Variants in MAP4 observed in about 807,000 individuals in gnomAD.
MAP4 encodes the protein microtubule-associated protein 4.
MAP4 carries 76 observed loss-of-function variants against 170.2 expected under a neutral mutation model. The observed-to-expected ratio is 0.45, with a 90% CI of 0.37 to 0.54. MAP4 has a LOEUF of 0.54. MAP4 is among the 20% of genes least tolerant of loss of function. The pLI, the probability that MAP4 is intolerant of heterozygous loss-of-function variation, is 0.00. For missense variants in MAP4, 2,506 were observed against 2,748.0 expected (o/e 0.91, Z 1.97); for synonymous variants, 909 against 994.5 (o/e 0.91, Z 1.62).
intron 2 of MAP4, among the ~76,000 whole-genome samples, chr3:47,988,631 G>C (rs936443324): frequency 1.3e-5 from 2 of 152,096 alleles, no homozygotes; most frequent in Admixed American, 1.3e-4. Flanking sequence ...GAGTCCCTCA[G>C]TTTGTGCTCT....
At chr3:47,932,157 T>C (rs953835379) in intron 3 of MAP4, among the ~76,000 whole-genome samples, 1 of 152,240 alleles carries the variant, frequency 6.6e-6, no homozygotes, top group Non-Finnish European at 1.5e-5. Flanking sequence ...AATCTAGATA[T>C]TTCATATAAA....
At chr3:48,088,511 C>T (rs2100150590) in intron 1 of MAP4, among the ~76,000 whole-genome samples, 1 of 151,954 alleles carries the variant, frequency 6.6e-6, no homozygotes, top group African/African-American at 2.4e-5. Flanking sequence ...CCCCGACCCT[C>T]AAAAGCTGGA....
chr3:47,877,213 G>C, intron 11 of MAP4: 1 of 502,536 alleles, frequency 2.0e-6, no homozygotes, highest in South Asian at 2.2e-5. Flanking sequence ...TAAGATAATA[G>C]GGTCAAAGGC....
In MAP4 at chr3:47,853,257, G is replaced by T. The variant is rs1001710694; in HGVS notation, c.6792C>A (p.Pro2264=). 2 of 1,594,188 alleles carry T rather than the reference G, an allele frequency of 1.3e-6. No individual in the cohort carries two copies. The highest frequency in any genetic ancestry group is 8.6e-7 in the Non-Finnish European group (1 of 1,168,974). The part of the protein sequence containing the change: ...ISEAAPEAGA[P]TSASGLNGHP... ...GGCCATTGAGGCCACTGGCTGAAGTGGGGGCGCCAGCTTCAGGCGCTGCCT... is the reference window on the plus strand; with the variant it reads ...GGCCATTGAGGCCACTGGCTGAAGTTGGGGCGCCAGCTTCAGGCGCTGCCT... Residue 2264 remains proline (P), a synonymous_variant, in exon 20 of 21, where the codon CCC becomes CCA. Transcript: ENST00000683076.
Position 47,959,939 on chromosome 3 carries a change from T to C in MAP4, c.292+17926A>G, listed in dbSNP as rs187426724. Among the ~76,000 whole-genome samples the C allele has an allele frequency of 3.9e-5, 6 of 152,156 alleles. No homozygotes were observed. In the East Asian group the frequency reaches 1.2e-3, roughly 30 times the overall value. ...GTGCAGTGGTGCAATCTTGGTTCAA[T>C]GAAACCTCTGCCTCCTGGGTTCAAG... On this transcript the variant is annotated intron_variant, in intron 3 of 20. Coordinates refer to ENST00000683076, the MANE Select transcript of MAP4 (RefSeq NM_001385682.1).
chr3:48,000,740 C>T (rs1351183631), intron 1 of MAP4, among the ~76,000 whole-genome samples: 3 of 152,194 alleles, frequency 2.0e-5, no homozygotes, highest in Non-Finnish European at 4.4e-5. Context: ...AACTAATACA[C>T]AGTCTTTCTC....
At chr3:48,011,241 T>C (rs1451561739) in intron 1 of MAP4, among the ~76,000 whole-genome samples, 1 of 152,100 alleles carries the variant, frequency 6.6e-6, no homozygotes, top group African/African-American at 2.4e-5. Context: ...GTTCCTATAG[T>C]AGGAACTGGA....
rs776361128 is a variant in MAP4 at position 47,998,632 on chromosome 3, A to G, written c.223+6T>C. ...CATATATAAGCAGTCTGGTTTAAAT[A>G]CTTACCTTCAATCTGGCTAGTTTCT... On this transcript the variant is annotated splice_donor_region_variant and intron_variant, in intron 2 of 20. Transcript: ENST00000683076. 1 of 1,610,028 alleles carries G rather than the reference A, an allele frequency of 6.2e-7. No homozygotes were observed. The highest frequency in any genetic ancestry group is 8.5e-7 in the Non-Finnish European group (1 of 1,176,440).
intron 3 of MAP4, among the ~76,000 whole-genome samples, chr3:47,958,625 T>C (rs933172204): frequency 2.0e-5 from 3 of 151,964 alleles, no homozygotes; most frequent in Non-Finnish European, 1.5e-5. Flanking sequence ...CAAGTGATTC[T>C]CTTGCCTCAG....
intron 10 of MAP4, chr3:47,891,868 AT>A (rs1358212909): frequency 6.5e-7 from 1 of 1,535,936 alleles, no homozygotes; most frequent in Non-Finnish European, 8.7e-7. Flanking sequence ...GGGTGATGCT[AT>A]TCTCCATCTC....
At chr3:48,039,712 C>G (rs994698250) in intron 1 of MAP4, among the ~76,000 whole-genome samples, 2 of 152,186 alleles carry the variant, frequency 1.3e-5, no homozygotes, top group African/African-American at 4.8e-5. Flanking sequence ...GATGATAAAA[C>G]AATCCTTATC....
intron 1 of MAP4, among the ~76,000 whole-genome samples, chr3:48,062,637 A>C (rs1441838170): frequency 6.6e-6 from 1 of 151,568 alleles, no homozygotes; most frequent in African/African-American, 2.4e-5. Flanking sequence ...AAAATGAACA[A>C]TGTGGCTGGG....
At chr3:48,007,602 CATAGGTG>C (rs897449377) in intron 1 of MAP4, among the ~76,000 whole-genome samples, 11 of 151,774 alleles carry the variant, frequency 7.2e-5, no homozygotes, top group African/African-American at 1.9e-4. Flanking sequence ...GGCAGGCTCC[CATAGGTG>C]AATCGCAATG....
intron 2 of MAP4, among the ~76,000 whole-genome samples, chr3:47,994,965 AG>A (rs1312019794): frequency 1.3e-5 from 2 of 151,624 alleles, no homozygotes; most frequent in Non-Finnish European, 2.9e-5. Context: ...AAAAAAAAAA[AG>A]TTCATTAACT....
chr3:47,987,502 ATTTT>A (rs2100089486), intron 2 of MAP4: 1 of 1,056,410 alleles, frequency 9.5e-7, no homozygotes, highest in Non-Finnish European at 1.3e-6. Flanking sequence ...ATCTTAAAGG[ATTTT>A]AGAACAACAA....
chr3:47,991,552 T>C (rs2100092232), intron 2 of MAP4, among the ~76,000 whole-genome samples: 2 of 152,168 alleles, frequency 1.3e-5, no homozygotes, highest in African/African-American at 4.8e-5. Context: ...GTCCAAGCTA[T>C]TCAGGAGCCT....
At chr3:47,946,539 A>C (rs1445876515) in intron 3 of MAP4, among the ~76,000 whole-genome samples, 1 of 148,700 alleles carries the variant, frequency 6.7e-6, no homozygotes, top group East Asian at 2.0e-4. Context: ...CTATAATCCC[A>C]GCTACTCATG....
intron 7 of MAP4, among the ~76,000 whole-genome samples, chr3:47,915,219 T>C (rs1283859313): frequency 6.6e-6 from 1 of 151,644 alleles, no homozygotes; most frequent in East Asian, 1.9e-4. Context: ...CAGGTTCAAG[T>C]GATTCTCCTG....
chr3:48,070,635 T>C (rs1368067998), intron 1 of MAP4, among the ~76,000 whole-genome samples: 2 of 152,110 alleles, frequency 1.3e-5, no homozygotes, highest in Admixed American at 1.3e-4. Context: ...TTTTGTGTTT[T>C]TGTAGAACAG....
Sources: gnomAD v4.1 joint callset for allele counts (sites outside exome capture counted in the v4.1 genomes callset) on GRCh38, gnomAD v4.1.1 for gene constraint, MANE v1.5 for transcripts, NCBI Gene and HGNC (gene_info 2026-07-23, HGNC 2026-07-21) for gene names.